ZDHHC13: variants seen among roughly 807,000 people sequenced by gnomAD.
The protein encoded by ZDHHC13 is palmitoyltransferase ZDHHC13.
ZDHHC13 carries 85 observed loss-of-function variants against 86.0 expected under a neutral mutation model. The ratio of observed to expected loss-of-function variants is 0.99; its 90% CI spans 0.83 to 1.18. The LOEUF is 1.18. Ranked by LOEUF, ZDHHC13 falls within the 50% of genes most tolerant of loss-of-function variation. The probability of loss-of-function intolerance (pLI) is 0.00; values close to 1 mark genes in which losing one functional copy is unlikely to be tolerated. For synonymous variants in ZDHHC13, 263 were observed against 246.4 expected (o/e 1.07, Z -0.63); for missense variants, 711 against 730.2 (o/e 0.97, Z 0.30).
chr11:19,117,110 C>A, upstream of ZDHHC13: 1 of 903,036 alleles, frequency 1.1e-6, no homozygotes, highest in African/African-American at 1.7e-5. The surrounding 1 kb of genome is among the most constrained non-coding windows in gnomAD (Gnocchi z 4.2). Flanking sequence ...ATTGACGGCT[C>A]AGGGCACGAG....
chr11:19,145,969 A>G (rs1849453462), intron 2 of ZDHHC13, among the ~76,000 whole-genome samples: 1 of 152,204 alleles, frequency 6.6e-6, no homozygotes, highest in African/African-American at 2.4e-5. Flanking sequence ...TTCAACTCCA[A>G]AGAGATTAAT....
rs1285284618 is a variant in ZDHHC13, at chr11:19,170,512, C to T, written c.1576C>T (p.Leu526=). 2.0e-6 allele frequency: 3 copies of T among 1,530,690 alleles called. No homozygotes were observed. The highest frequency in any genetic ancestry group is 2.2e-5 in the Admixed American group (1 of 45,198). 94.8% of individuals were successfully genotyped at this position (1,530,690 alleles called of 1,614,324 possible). The change falls in exon 15 of 17, where the codon CTA becomes TTA. Residue 526 remains leucine, a synonymous_variant. Coordinates refer to ENST00000446113, the MANE Select transcript of ZDHHC13 (RefSeq NM_019028.3). ...CCCTTGGGTTTTATATATCTTGATG[C>T]TAGCAACTTTCCATTTCTCATGGTC... ...CSPWVLYILM[L]ATFHFSWSTF... is the part of the protein sequence containing the mutation.
At chr11:19,120,702 C>G (rs776859662) in intron 1 of ZDHHC13, among the ~76,000 whole-genome samples, 1 of 152,210 alleles carries the variant, frequency 6.6e-6, no homozygotes, top group Non-Finnish European at 1.5e-5. Flanking sequence ...CTGTGGAGGA[C>G]AGTGAGCTAG....
chr11:19,127,647 A>G (rs938279571), intron 1 of ZDHHC13, among the ~76,000 whole-genome samples: 4 of 152,172 alleles, frequency 2.6e-5, no homozygotes, highest in African/African-American at 9.7e-5. Flanking sequence ...GAAAGGGTCC[A>G]GCTTCGATTT....
At chr11:19,161,746 A>G (rs1293724670) in intron 10 of ZDHHC13, among the ~76,000 whole-genome samples, 3 of 152,172 alleles carry the variant, frequency 2.0e-5, no homozygotes. Context: ...GTAAAGTCCC[A>G]TACTGAGTTT....
At chr11:19,156,117 T>C (rs1849750987) in intron 9 of ZDHHC13, among the ~76,000 whole-genome samples, 188 bp downstream of exon 9, 1 of 152,154 alleles carries the variant, frequency 6.6e-6, no homozygotes. Context: ...AGCAAGTTGC[T>C]CAACCCAGTA....
At position 19,175,986 on chromosome 11, in the gene ZDHHC13, C is replaced by T; in HGVS notation, c.*26C>T. On this transcript the variant is annotated 3_prime_UTR_variant, in exon 17 of 17. Transcript: ENST00000446113. ...AGAAAAGCAACCCAAAACTCTCAAT[C>T]TGATTTGTTTTTGTTTATGTCGATG... is the stretch of plus-strand genomic sequence containing the variant. 1 of 1,580,518 alleles carries T rather than the reference C, an allele frequency of 6.3e-7. No homozygotes were observed. Among genetic ancestry groups the T allele is most frequent in the Non-Finnish European group, 8.6e-7 (1 of 1,168,620 alleles).
At chr11:19,139,292 T>A (rs372737231) in intron 1 of ZDHHC13, among the ~76,000 whole-genome samples, 1 of 151,770 alleles carries the variant, frequency 6.6e-6, no homozygotes, top group Non-Finnish European at 1.5e-5. Flanking sequence ...AGAGCCAAAT[T>A]ATGAGTGAAC....
intron 1 of ZDHHC13, among the ~76,000 whole-genome samples, chr11:19,130,358 C>A (rs543268221): frequency 6.6e-6 from 1 of 152,080 alleles, no homozygotes; most frequent in South Asian, 2.1e-4. Context: ...TCAAAATATT[C>A]CCTTTTTATC....
At chr11:19,168,778 A>G in intron 14 of ZDHHC13, 1 of 984,760 alleles carries the variant, frequency 1.0e-6, no homozygotes, top group South Asian at 4.7e-5. Context: ...ATGTGATCCA[A>G]TAGCTGCTAC....
At chr11:19,147,405 G>A (rs1479986341) in intron 3 of ZDHHC13, among the ~76,000 whole-genome samples, 191 bp from the exon 4 acceptor site, 2 of 152,116 alleles carry the variant, frequency 1.3e-5, no homozygotes, top group African/African-American at 4.8e-5. Flanking sequence ...TCCTAAGGAT[G>A]TTTCATCAGG....
rs915685271 is a variant in ZDHHC13 at position 19,176,390 on chromosome 11, C to T, written c.*430C>T. 1.3e-5 allele frequency: 2 copies of T among 152,896 alleles called. No homozygotes were observed. The highest frequency in any genetic ancestry group is 1.5e-5 in the Non-Finnish European group (1 of 68,336). 9.5% of individuals were successfully genotyped at this position (152,896 alleles called of 1,614,324 possible). On this transcript the variant is annotated 3_prime_UTR_variant, in exon 17 of 17. Transcript: ENST00000446113. Reference sequence around the variant, plus strand: ...AATAGATGTACCTGTTTTGCTTTCACACTTAATAAAAAATTTTTTTTTGTA... The same window carrying T: ...AATAGATGTACCTGTTTTGCTTTCATACTTAATAAAAAATTTTTTTTTGTA...
intron 8 of ZDHHC13, 60 bp from the exon 9 acceptor site, chr11:19,155,736 A>T: frequency 6.4e-7 from 1 of 1,563,866 alleles, no homozygotes; most frequent in South Asian, 1.2e-5. Flanking sequence ...ATATTGCACT[A>T]TTATTAGATA....
intron 9 of ZDHHC13, among the ~76,000 whole-genome samples, chr11:19,156,429 T>C (rs1849757624): frequency 6.6e-6 from 1 of 152,210 alleles, no homozygotes; most frequent in Non-Finnish European, 1.5e-5. Context: ...ATATAGTTAA[T>C]GGTTAAGAGT....
chr11:19,165,473 G>C (rs1850037826), intron 13 of ZDHHC13, among the ~76,000 whole-genome samples: 1 of 152,156 alleles, frequency 6.6e-6, no homozygotes, highest in Non-Finnish European at 1.5e-5. Flanking sequence ...ATTCCAATGG[G>C]TGTTGTTCCT....
chr11:19,154,333 T>A (rs1036493450), intron 8 of ZDHHC13, among the ~76,000 whole-genome samples: 10 of 152,216 alleles, frequency 6.6e-5, no homozygotes, highest in African/African-American at 2.4e-4. Context: ...TATTTAATTC[T>A]TATCTCTGTT....
At chr11:19,165,391 C>T (rs1441091544) in intron 13 of ZDHHC13, among the ~76,000 whole-genome samples, 4 of 152,128 alleles carry the variant, frequency 2.6e-5, no homozygotes, top group Non-Finnish European at 2.9e-5. Context: ...CTTGTAAAAA[C>T]GCTAGATCAG....
chr11:19,164,177 A>G (rs957236133), intron 11 of ZDHHC13, 124 bp from the exon 12 acceptor site: 12 of 868,674 alleles, frequency 1.4e-5, no homozygotes, highest in Non-Finnish European at 2.1e-5. Flanking sequence ...ATTTGGTGGC[A>G]AGTATTCCAA....
intron 12 of ZDHHC13, 62 bp from the exon 13 acceptor site, chr11:19,164,990 G>A: frequency 1.4e-6 from 2 of 1,460,022 alleles, no homozygotes; most frequent in Non-Finnish European, 1.9e-6. Context: ...AATTTTGCTT[G>A]TGATTTGTTA....
Sources: gnomAD v4.1 joint callset for allele counts (sites outside exome capture counted in the v4.1 genomes callset) on GRCh38, gnomAD v4.1.1 for gene constraint, Gnocchi (gnomAD v3.1) non-coding constraint, MANE v1.5 for transcripts, NCBI Gene and HGNC (gene_info 2026-07-23, HGNC 2026-07-21) for gene names.